Variants in COX10 observed in about 807,000 individuals in gnomAD.
COX10 encodes cytochrome c oxidase assembly factor heme A:farnesyltransferase COX10.
COX10 carries 27 observed loss-of-function variants against 37.3 expected under a neutral mutation model. The observed-to-expected ratio is 0.72, with a 90% CI of 0.53 to 1.00. The LOEUF is 1.00. Ranked by LOEUF, COX10 falls within the 50% of genes least tolerant of loss-of-function variation. The pLI is 0.00. For synonymous variants in COX10, 222 were observed against 229.1 expected (o/e 0.97, Z 0.28); for missense variants, 475 against 563.2 (o/e 0.84, Z 1.59).
chr17:14,173,787 T>C (rs895459475), intron 5 of COX10, among the ~76,000 whole-genome samples: 1 of 152,212 alleles, frequency 6.6e-6, no homozygotes, highest in East Asian at 1.9e-4. Flanking sequence ...TGTCATTGTT[T>C]ACATGGAAAA....
At chr17:14,114,071 A>G (rs910773044) in intron 4 of COX10, among the ~76,000 whole-genome samples, 1 of 152,150 alleles carries the variant, frequency 6.6e-6, no homozygotes, top group Admixed American at 6.6e-5. Context: ...ACCAGATCCT[A>G]AAGTTAATTT....
chr17:14,102,105 T>G lies in COX10; in HGVS notation c.500-13T>G. ...GTTGGTAACAGTGTGTCTGCTCTGT[T>G]TCTGTATCGCAGCTCTGGTTGTAAG... is the stretch of plus-strand genomic sequence containing the variant. On this transcript the variant is annotated splice_polypyrimidine_tract_variant and intron_variant, in intron 3 of 6. Transcript: ENST00000261643. 1 of 1,613,526 alleles carries G rather than the reference T, an allele frequency of 6.2e-7. No individual in the cohort carries two copies. The highest frequency in any genetic ancestry group is 8.5e-7 in the Non-Finnish European group (1 of 1,179,586).
intron 4 of COX10, among the ~76,000 whole-genome samples, chr17:14,140,172 A>C (rs1904494534): frequency 6.6e-6 from 1 of 152,182 alleles, no homozygotes; most frequent in Admixed American, 6.5e-5. Context: ...TTTTGAAAGC[A>C]TGTAGCCACA....
intron 5 of COX10, among the ~76,000 whole-genome samples, chr17:14,175,863 G>C (rs557712128): frequency 6.6e-6 from 1 of 151,306 alleles, no homozygotes; most frequent in African/African-American, 2.4e-5. Context: ...GGCCAGAGTG[G>C]GCTTCTACCT....
At chr17:14,087,454 C>T (rs1915434906) in intron 3 of COX10, among the ~76,000 whole-genome samples, 1 of 152,168 alleles carries the variant, frequency 6.6e-6, no homozygotes, top group Non-Finnish European at 1.5e-5. Flanking sequence ...ACTGTTCTGT[C>T]TTCTATACCT....
intron 3 of COX10, among the ~76,000 whole-genome samples, chr17:14,097,592 A>T (rs1038493460): frequency 6.6e-6 from 1 of 152,062 alleles, no homozygotes; most frequent in Non-Finnish European, 1.5e-5. Context: ...TCACCCCATC[A>T]AGCTCTGGGG....
At chr17:14,141,405 T>G (rs1264886333) in intron 4 of COX10, among the ~76,000 whole-genome samples, 1 of 151,570 alleles carries the variant, frequency 6.6e-6, no homozygotes, top group Non-Finnish European at 1.5e-5. Flanking sequence ...TAGGCGTGCC[T>G]GTAGTCCCAG....
chr17:14,091,799 T>C lies in COX10; in HGVS notation c.500-10319T>C, dbSNP rs113557291. Among the ~76,000 whole-genome samples the C allele has an allele frequency of 1.6e-3, 249 of 152,320 alleles. 2 individuals carry two copies. Among genetic ancestry groups the C allele is most frequent in the African/African-American group, 5.6e-3 (233 of 41,578 alleles). ...ATGGAGACTTAATTCTTTAAGTGTTTATCTTGTACAATATCTGCTCTCTGG... is the reference window on the plus strand; with the variant it reads ...ATGGAGACTTAATTCTTTAAGTGTTCATCTTGTACAATATCTGCTCTCTGG... On this transcript the variant is annotated intron_variant, in intron 3 of 6. Coordinates refer to ENST00000261643, the MANE Select transcript of COX10 (RefSeq NM_001303.4).
intron 4 of COX10, among the ~76,000 whole-genome samples, chr17:14,128,995 G>A (rs1009822264): frequency 7.2e-5 from 11 of 152,080 alleles, no homozygotes; most frequent in Non-Finnish European, 1.2e-4. Flanking sequence ...ACAGGCAAGC[G>A]TCACACACTG....
intron 3 of COX10, among the ~76,000 whole-genome samples, chr17:14,088,186 T>C (rs1915453591): frequency 6.6e-6 from 1 of 152,182 alleles, no homozygotes; most frequent in African/African-American, 2.4e-5. Flanking sequence ...TCCTTATTAG[T>C]AGCTATTTAT....
chr17:14,166,054 T>C (rs1905273941), intron 5 of COX10, among the ~76,000 whole-genome samples: 1 of 152,200 alleles, frequency 6.6e-6, no homozygotes, highest in Admixed American at 6.5e-5. Context: ...AAACAAAAAG[T>C]GCAAGGTGAA....
chr17:14,077,880 CAG>C (rs1376853205), intron 3 of COX10, among the ~76,000 whole-genome samples: 2 of 149,044 alleles, frequency 1.3e-5, no homozygotes, highest in African/African-American at 4.9e-5. Flanking sequence ...AAAGATGAGA[CAG>C]GGAGGCTTTT....
intron 6 of COX10, among the ~76,000 whole-genome samples, chr17:14,194,086 C>G (rs908636814): frequency 6.6e-6 from 1 of 151,852 alleles, no homozygotes; most frequent in African/African-American, 2.4e-5. Context: ...AAGACCCAGA[C>G]AGGGCCAGAG....
At chr17:14,102,362 T>A in intron 4 of COX10, 120 bp downstream of exon 4, 1 of 1,437,762 alleles carries the variant, frequency 7.0e-7, no homozygotes, top group Non-Finnish European at 9.6e-7. Flanking sequence ...TGTAACACTA[T>A]ATATCCTATA....
intron 4 of COX10, among the ~76,000 whole-genome samples, chr17:14,126,409 G>C (rs977809692): frequency 6.6e-6 from 1 of 152,092 alleles, no homozygotes; most frequent in Non-Finnish European, 1.5e-5. Flanking sequence ...GATGTATAAC[G>C]TATATTTTAA....
chr17:14,125,931 T>A (rs1336076902), intron 4 of COX10, among the ~76,000 whole-genome samples: 2 of 152,166 alleles, frequency 1.3e-5, no homozygotes, highest in Non-Finnish European at 2.9e-5. Context: ...GCTCACTAAA[T>A]CTATTTTGTT....
intron 5 of COX10, among the ~76,000 whole-genome samples, chr17:14,186,185 C>T (rs1361631480): frequency 6.6e-6 from 1 of 151,904 alleles, no homozygotes; most frequent in African/African-American, 2.4e-5. Context: ...GCAGAGTAGT[C>T]CTTCTAAAAA....
At chr17:14,200,149 G>A (rs957776538) in intron 6 of COX10, among the ~76,000 whole-genome samples, 9 of 152,156 alleles carry the variant, frequency 5.9e-5, no homozygotes, top group Admixed American at 1.3e-4. Flanking sequence ...AGCCGAAACC[G>A]ATGAACTCCA....
chr17:14,136,638 T>A (rs1255174306), intron 4 of COX10, among the ~76,000 whole-genome samples: 5 of 151,964 alleles, frequency 3.3e-5, no homozygotes, highest in Admixed American at 3.3e-4. Context: ...TCAAAATACA[T>A]TTTTATGGCA....
Sources: gnomAD v4.1 joint callset for allele counts (sites outside exome capture counted in the v4.1 genomes callset) on GRCh38, gnomAD v4.1.1 for gene constraint, MANE v1.5 for transcripts, NCBI Gene and HGNC (gene_info 2026-07-23, HGNC 2026-07-21) for gene names.